PWP1: variants seen among roughly 807,000 people sequenced by gnomAD.
PWP1 encodes the protein PWP1 homolog, endonuclein, also known as periodic tryptophan protein 1 homolog.
PWP1 carries 47 observed loss-of-function variants against 69.9 expected under a neutral mutation model. That is an observed-to-expected ratio of 0.67 (90% CI 0.53 to 0.86). The LOEUF (loss-of-function observed/expected upper bound fraction) is 0.86, where lower values mean the gene tolerates loss of function less well. Ranked by LOEUF, PWP1 falls within the 40% of genes least tolerant of loss-of-function variation. The pLI is 0.00. For synonymous variants in PWP1, 222 were observed against 208.2 expected (o/e 1.07, Z -0.57); for missense variants, 551 against 608.8 (o/e 0.91, Z 1.00).
At chr12:107,709,666 AT>A (rs1453104428) in intron 13 of PWP1, among the ~76,000 whole-genome samples, 2 of 152,096 alleles carry the variant, frequency 1.3e-5, no homozygotes, top group African/African-American at 4.8e-5. Flanking sequence ...AGTAGGAAAA[AT>A]TTAGAAATAA....
intron 3 of PWP1, among the ~76,000 whole-genome samples, chr12:107,691,383 C>G (rs1052058947): frequency 6.6e-6 from 1 of 152,192 alleles, no homozygotes; most frequent in African/African-American, 2.4e-5. Context: ...TGTGTGTTCT[C>G]TGTGCGAGAG....
intron 1 of PWP1, chr12:107,686,252 G>T (rs1266353237): frequency 3.8e-6 from 2 of 525,632 alleles, no homozygotes; most frequent in Admixed American, 3.1e-5. Flanking sequence ...GCCGGAAAGG[G>T]GTGGGCTGCT....
At chr12:107,703,790 T>C (rs761187546) in intron 10 of PWP1, 44 bp downstream of exon 10, 12 of 1,527,900 alleles carry the variant, frequency 7.9e-6, no homozygotes, top group Admixed American at 3.3e-5. Flanking sequence ...GTTTTTATCC[T>C]CTAGAAGTCA....
chr12:107,708,336 T>C (rs75926189), intron 11 of PWP1, among the ~76,000 whole-genome samples: 1 of 152,188 alleles, frequency 6.6e-6, no homozygotes, highest in East Asian at 1.9e-4. Flanking sequence ...TATCCTTTTT[T>C]CTTGTACTGG....
At chr12:107,686,050 C>T (rs1889356969) in intron 1 of PWP1, 79 bp downstream of exon 1, 2 of 1,514,486 alleles carry the variant, frequency 1.3e-6, no homozygotes, top group Admixed American at 1.7e-5. Context: ...GGAACGTGGA[C>T]CCGGAACTCG....
At chr12:107,706,674 T>C (rs984360644) in intron 11 of PWP1, among the ~76,000 whole-genome samples, 4 of 152,234 alleles carry the variant, frequency 2.6e-5, no homozygotes, top group African/African-American at 9.6e-5. Flanking sequence ...CCCCATTTCT[T>C]GTTTTTGTCA....
At chr12:107,706,576 A>G (rs1459328011) in intron 11 of PWP1, among the ~76,000 whole-genome samples, 1 of 152,200 alleles carries the variant, frequency 6.6e-6, no homozygotes, top group Non-Finnish European at 1.5e-5. Flanking sequence ...TAATTTTTGT[A>G]TAAGCTGTGA....
chr12:107,701,481 T>G (rs992786713), intron 8 of PWP1, among the ~76,000 whole-genome samples: 3 of 152,240 alleles, frequency 2.0e-5, no homozygotes, highest in African/African-American at 4.8e-5. Context: ...TTGTTCATGC[T>G]TTTGATGTTG....
In PWP1 at chr12:107,704,711, A is replaced by G; in HGVS notation, c.1041A>G (p.Arg347=). The change falls in exon 11 of 15, where the codon AGA becomes AGG. Residue 347 remains arginine, a synonymous_variant. Transcript: ENST00000412830. Reference sequence around the variant, plus strand: ...GGCGATTCAGTGGGCAGATAGAGAGAGTGACTTGGAATCACTTTTCACCTT... The same window carrying G: ...GGCGATTCAGTGGGCAGATAGAGAGGGTGACTTGGAATCACTTTTCACCTT... ...RMWRFSGQIE[R]VTWNHFSPCH... 6.2e-7 allele frequency: 1 copy of G among 1,613,978 alleles called. No homozygotes were observed. Among genetic ancestry groups the G allele is most frequent in the Non-Finnish European group, 8.5e-7 (1 of 1,179,906 alleles).
chr12:107,704,587 A>G (rs765748092), intron 10 of PWP1, 49 bp from the exon 11 acceptor site: 2 of 1,231,136 alleles, frequency 1.6e-6, no homozygotes, highest in East Asian at 2.3e-5. Context: ...AATAAAACAT[A>G]TAGGAGAATT....
chr12:107,708,894 G>A (rs372443242), intron 11 of PWP1, 32 bp from the exon 12 acceptor site: 14 of 1,585,604 alleles, frequency 8.8e-6, no homozygotes, highest in Middle Eastern at 2.1e-4. Flanking sequence ...TTGTGACGTA[G>A]CATGACCTTG....
At position 107,710,579 on chromosome 12, in the gene PWP1, G is replaced by T. The variant is rs1015618007; in HGVS notation, c.1396+69G>T. ...AAAAAAAAAAAAAAAAAAAAGACAG[G>T]GTCTCACCATGTTGCCCAGGCTGGT... is the stretch of plus-strand genomic sequence containing the variant. On this transcript the variant is annotated intron_variant, in intron 14 of 14. Transcript: ENST00000412830. The T allele has an allele frequency of 2.2e-5, 32 of 1,426,696 alleles. No individual in the cohort carries two copies. In the African/African-American group the frequency reaches 3.9e-4, roughly 17 times the overall value. 88.4% of individuals were successfully genotyped at this position (1,426,696 alleles called of 1,614,324 possible). A position where few individuals can be genotyped will look rare whatever the true frequency, so the allele number is the denominator to read the frequency against.
In PWP1 at chr12:107,702,930, C is replaced by G. The variant is rs748997227; in HGVS notation, c.807-5C>G. On this transcript the variant is annotated splice_polypyrimidine_tract_variant and splice_region_variant and intron_variant, in intron 8 of 14. Transcript: ENST00000412830. Reference sequence around the variant, plus strand: ...ATTACCTGATTGGATTCTTCCCTTTCTCAGAAATGTTTTAGCAAGTGCATC... The same window carrying G: ...ATTACCTGATTGGATTCTTCCCTTTGTCAGAAATGTTTTAGCAAGTGCATC... 6.3e-7 allele frequency: 1 copy of G among 1,580,380 alleles called. No homozygotes were observed. Among genetic ancestry groups the G allele is most frequent in the Admixed American group, 1.7e-5 (1 of 59,910 alleles).
chr12:107,687,901 C>T (rs1203485473), intron 1 of PWP1, among the ~76,000 whole-genome samples: 12 of 151,850 alleles, frequency 7.9e-5, no homozygotes, highest in Non-Finnish European at 1.3e-4. Flanking sequence ...CGTGGTGGCG[C>T]GTGCCTGTAA....
chr12:107,709,298 T>C, intron 13 of PWP1, 66 bp downstream of exon 13: 1 of 1,552,294 alleles, frequency 6.4e-7, no homozygotes, highest in Non-Finnish European at 8.8e-7. Flanking sequence ...TTTCTGGAAC[T>C]TGTGTTGCGT....
At chr12:107,701,844 A>AT (rs1402389260) in intron 8 of PWP1, among the ~76,000 whole-genome samples, 1 of 151,830 alleles carries the variant, frequency 6.6e-6, no homozygotes, top group African/African-American at 2.4e-5. Flanking sequence ...TGCCTGGCTA[A>AT]TTTTTGTATT....
chr12:107,698,013 T>A (rs1159726769), intron 7 of PWP1, among the ~76,000 whole-genome samples: 1 of 152,216 alleles, frequency 6.6e-6, no homozygotes. Context: ...TCGTTAGGTT[T>A]TATGAGGGTT....
chr12:107,701,295 C>T (rs867041236), intron 8 of PWP1, among the ~76,000 whole-genome samples: 2 of 151,870 alleles, frequency 1.3e-5, no homozygotes, highest in African/African-American at 4.8e-5. Context: ...GCCTGGCCTC[C>T]CTTTGCCTGT....
chr12:107,704,111 T>C (rs985254767), intron 10 of PWP1, among the ~76,000 whole-genome samples: 15 of 152,206 alleles, frequency 9.9e-5, no homozygotes, highest in African/African-American at 2.7e-4. Context: ...TTTTTACAGA[T>C]TGGGTCTACA....
Sources: gnomAD v4.1 joint callset for allele counts (sites outside exome capture counted in the v4.1 genomes callset) on GRCh38, gnomAD v4.1.1 for gene constraint, MANE v1.5 for transcripts, NCBI Gene and HGNC (gene_info 2026-07-23, HGNC 2026-07-21) for gene names.